PRR5: variants seen among roughly 807,000 people sequenced by gnomAD.
PRR5 encodes proline-rich protein 5.
Under a neutral mutation model 30.6 loss-of-function variants are expected in PRR5, and 25 were observed. The ratio of observed to expected loss-of-function variants is 0.82; its 90% confidence interval spans 0.60 to 1.14. PRR5 has a LOEUF of 1.14. Ranked by LOEUF, PRR5 falls within the 50% of genes most tolerant of loss-of-function variation. The pLI, the probability that PRR5 is intolerant of heterozygous loss-of-function variation, is 0.00. For synonymous variants in PRR5, 286 were observed against 247.1 expected (o/e 1.16, Z -1.48); for missense variants, 600 against 547.1 (o/e 1.10, Z -0.96).
intron 1 of PRR5, among the ~76,000 whole-genome samples, chr22:44,712,465 G>A (rs5765919): frequency 0.35 from 53,742 of 152,006 alleles, 10,010 homozygotes; most frequent in South Asian, 0.48. Context: ...ATAGGGAGAC[G>A]GGAAGCCCTG....
chr22:44,698,596 G>A (rs1401040966), upstream of PRR5, among the ~76,000 whole-genome samples: 1 of 152,186 alleles, frequency 6.6e-6, no homozygotes, highest in Non-Finnish European at 1.5e-5. Context: ...CCATAAGTGA[G>A]AGGAGGGCCC....
At chr22:44,729,871 C>G in intron 4 of PRR5, 1 of 985,494 alleles carries the variant, frequency 1.0e-6, no homozygotes, top group Non-Finnish European at 1.2e-6. Flanking sequence ...ACCCCCCGGC[C>G]AGCCCGGGAA....
chr22:44,735,918 C>G (rs1923150143), intron 7 of PRR5, among the ~76,000 whole-genome samples: 1 of 152,226 alleles, frequency 6.6e-6, no homozygotes, highest in Non-Finnish European at 1.5e-5. Flanking sequence ...TTTGAGCCAC[C>G]CAGGCTTGGT....
At chr22:44,676,426 AAAGAG>A (rs1011007143), upstream of PRR5, among the ~76,000 whole-genome samples, 32 of 148,128 alleles carry the variant, frequency 2.2e-4, no homozygotes, top group South Asian at 3.9e-3. Flanking sequence ...GAAAGAAAGA[AAAGAG>A]AAGAGAAGAA....
rs942114524 is a variant in PRR5, at chr22:44,726,004, C to T, written c.265-573C>T. Among the ~76,000 whole-genome samples, 37 of 152,320 alleles carry T rather than the reference C, an allele frequency of 2.4e-4. 1 individual carries two copies. Among genetic ancestry groups the T allele is most frequent in the African/African-American group, 3.4e-4 (14 of 41,566 alleles). On this transcript the variant is annotated intron_variant, in intron 3 of 7. Coordinates refer to ENST00000336985, the MANE Select transcript of PRR5 (RefSeq NM_181333.4). ...CATATTGGTGGCATAACACGGCCTG[C>T]GGACTTTTGTCTGGACTCTTTCTCT...
upstream of PRR5, among the ~76,000 whole-genome samples, chr22:44,673,278 C>T (rs1923528780): frequency 6.6e-6 from 1 of 152,204 alleles, no homozygotes; most frequent in African/African-American, 2.4e-5. Flanking sequence ...TGTTACTCTC[C>T]GTGCCTCAGT....
At chr22:44,685,210 C>T (rs967986662) in intron 1 of PRR5, among the ~76,000 whole-genome samples, 2 of 152,140 alleles carry the variant, frequency 1.3e-5, no homozygotes, top group African/African-American at 4.8e-5. Flanking sequence ...GTAGGGCCTC[C>T]GTGAGTGAGC....
At chr22:44,725,776 T>C (rs567368685) in intron 3 of PRR5, among the ~76,000 whole-genome samples, 1 of 152,156 alleles carries the variant, frequency 6.6e-6, no homozygotes, top group East Asian at 1.9e-4. Context: ...GCGATTCCCC[T>C]GTTTCAGCCT....
At chr22:44,690,205 C>A (rs1434014987) in intron 1 of PRR5, among the ~76,000 whole-genome samples, 2 of 152,052 alleles carry the variant, frequency 1.3e-5, no homozygotes, top group Non-Finnish European at 1.5e-5. Flanking sequence ...AGACAGAGCC[C>A]CCAGGAGAGG....
chr22:44,699,952 G>A (rs940901883), upstream of PRR5, among the ~76,000 whole-genome samples: 2 of 150,834 alleles, frequency 1.3e-5, no homozygotes, highest in African/African-American at 2.4e-5. Context: ...TTTTACAGCA[G>A]TAAGGTAGGA....
In PRR5 at chr22:44,737,668, A is replaced by G; in HGVS notation, c.*421A>G. The G allele has an allele frequency of 5.6e-6, 1 of 177,522 alleles. No individual in the cohort carries two copies. The highest frequency in any genetic ancestry group is 1.2e-5 in the Non-Finnish European group (1 of 83,080). 11.0% of individuals were successfully genotyped at this position (177,522 alleles called of 1,614,324 possible). ...TGGGGATGGAAGGGGGTGGAATAAA[A>G]CCTGTCAACCTGGCTCATGTCTGCA... On this transcript the variant is annotated 3_prime_UTR_variant, in exon 8 of 8. Coordinates refer to ENST00000336985, the MANE Select transcript of PRR5 (RefSeq NM_181333.4).
In PRR5 at chr22:44,702,207, C is replaced by G; in HGVS notation, c.-268C>G. On this transcript the variant is annotated 5_prime_UTR_variant, in exon 1 of 8. Coordinates refer to ENST00000336985, the MANE Select transcript of PRR5 (RefSeq NM_181333.4). Reference sequence around the variant, plus strand: ...GCCCGCCCCCGGGTCCGCCCCCGGCCTCCGTTTGCGCCGGGTCTGTGCTGG... The same window carrying G: ...GCCCGCCCCCGGGTCCGCCCCCGGCGTCCGTTTGCGCCGGGTCTGTGCTGG... 2 of 1,000,890 alleles carry G rather than the reference C, an allele frequency of 2.0e-6. No homozygotes were observed. Among genetic ancestry groups the G allele is most frequent in the Non-Finnish European group, 2.4e-6 (2 of 822,538 alleles). The allele number at this position is 1,000,890 out of a possible 1,614,324, so 62.0% of individuals were successfully genotyped here.
chr22:44,737,253 C>T lies in PRR5; in HGVS notation c.*6C>T, dbSNP rs562602068. On this transcript the variant is annotated 3_prime_UTR_variant, in exon 8 of 8. Coordinates refer to ENST00000336985, the MANE Select transcript of PRR5 (RefSeq NM_181333.4). ...GCCGGCAGAGTGTCGTGTGAGGCCT[C>T]ACAGCTGGCCTTGAGTTTTTACTGA... 2.5e-6 allele frequency: 4 copies of T among 1,588,876 alleles called. No individual in the cohort carries two copies. The African/African-American group carries it at 5.4e-5, about 21-fold the overall frequency.
chr22:44,732,301 C>T lies in PRR5; in HGVS notation c.465C>T (p.Ala155=), dbSNP rs544764737. The T allele has an allele frequency of 1.9e-6, 3 of 1,612,370 alleles. No individual in the cohort carries two copies. The highest frequency in any genetic ancestry group is 2.2e-5 in the East Asian group (1 of 44,862). Residue 155 remains alanine, a synonymous_variant, in exon 6 of 8, where the codon GCC becomes GCT. Transcript: ENST00000336985. ...RQLALLHFRN[A]ITLSVKLEDA... ...TGGCCCTGCTGCACTTCCGGAATGCCATCACCCTCAGTGTGAAGCTAGAGG... is the reference window on the plus strand; with the variant it reads ...TGGCCCTGCTGCACTTCCGGAATGCTATCACCCTCAGTGTGAAGCTAGAGG...
At chr22:44,732,835 TACACACGTGCAC>T (rs1345678585) in intron 6 of PRR5, among the ~76,000 whole-genome samples, 2 of 53,036 alleles carry the variant, frequency 3.8e-5, no homozygotes, top group African/African-American at 7.6e-5. Context: ...ACGCACATAC[TACACACGTGCAC>T]ACACGTGCAC....
rs1046792845 is a variant in PRR5, at chr22:44,737,552, CAG to C, written c.*309_*310del. The C allele has an allele frequency of 2.5e-6, 1 of 403,192 alleles. No homozygotes were observed. The highest frequency in any genetic ancestry group is 2.0e-5 in the African/African-American group (1 of 50,366). 25.0% of individuals were successfully genotyped at this position (403,192 alleles called of 1,614,324 possible). ...GCCCTCTGGTGTCCACACCTGCCCA[CAG>C]AGAATGTAAACCCAGTGGGCTCTGC... On this transcript the variant is annotated 3_prime_UTR_variant, in exon 8 of 8. Transcript: ENST00000336985.
rs147526216 is a variant in PRR5 at position 44,737,241 on chromosome 22, C to A, written c.1161C>A (p.Val387=). The stretch of plus-strand genomic sequence containing the variant: ...AGGGCTCTGGGGGCCGGCAGAGTGT[C>A]GTGTGAGGCCTCACAGCTGGCCTTG... ...DLEGSGGRQS[V]V Residue 387 remains valine, a synonymous_variant, in exon 8 of 8, where the codon GTC becomes GTA. Coordinates refer to ENST00000336985, the MANE Select transcript of PRR5 (RefSeq NM_181333.4). 6.3e-7 allele frequency: 1 copy of A among 1,597,030 alleles called. No individual in the cohort carries two copies.
intron 1 of PRR5, among the ~76,000 whole-genome samples, chr22:44,684,100 G>A (rs12170468): frequency 0.089 from 13,623 of 152,218 alleles, 774 homozygotes; most frequent in East Asian, 0.27. Context: ...CAGAGGGGTG[G>A]GCTGAGGAGG....
At chr22:44,672,288 A>C (rs1235000677), upstream of PRR5, among the ~76,000 whole-genome samples, 4 of 152,166 alleles carry the variant, frequency 2.6e-5, no homozygotes, top group Non-Finnish European at 5.9e-5. Flanking sequence ...GTCCTGGTTT[A>C]AAAGATGTCA....
Sources: gnomAD v4.1 joint callset for allele counts (sites outside exome capture counted in the v4.1 genomes callset) on GRCh38, gnomAD v4.1.1 for gene constraint, MANE v1.5 for transcripts, NCBI Gene and HGNC (gene_info 2026-07-23, HGNC 2026-07-21) for gene names.